ARMC8: variants seen among roughly 807,000 people sequenced by gnomAD.
ARMC8 encodes armadillo repeat-containing protein 8.
In ARMC8, 20 loss-of-function variants were observed where a neutral mutation model predicts 99.3. The observed-to-expected ratio is 0.20, with a 90% CI of 0.14 to 0.29. The LOEUF (loss-of-function observed/expected upper bound fraction) is 0.29, where lower values mean the gene tolerates loss of function less well. Ranked by LOEUF, ARMC8 falls within the 10% of genes least tolerant of loss-of-function variation. The pLI is 1.00. For missense variants in ARMC8, 569 were observed against 809.5 expected, an observed-to-expected ratio of 0.70 and a Z score of 3.60; for synonymous variants, 263 against 278.3, an observed-to-expected ratio of 0.95 and a Z score of 0.55.
Position 138,290,558 on chromosome 3 carries a change from G to A in ARMC8, c.1907G>A (p.Arg636His), listed in dbSNP as rs1369668127. ...TTTAATCGTTTAGGTTCACAAGAAC[G>A]CCAGGATAAATTACGAGACATGGGC... The part of the protein sequence containing the change: ...IWNEEEGSQE[R>H]QDKLRDMGIV... The change falls in exon 21 of 22, where the codon CGC becomes CAC. Residue 636 changes from arginine (R) to histidine (H), a missense_variant. By Grantham distance (29) the Arg-to-His change is conservative (BLOSUM62 0). Around this residue, in one of 2 missense-constraint regions of ARMC8, gnomAD observed 227 missense variants for 417.9 expected, o/e 0.54. Transcript: ENST00000469044. 2.5e-6 allele frequency: 4 copies of A among 1,603,588 alleles called. No individual in the cohort carries two copies. The highest frequency in any genetic ancestry group is 2.6e-6 in the Non-Finnish European group (3 of 1,175,318).
chr3:138,235,370 T>A (rs1259673557), intron 7 of ARMC8, among the ~76,000 whole-genome samples: 1 of 152,210 alleles, frequency 6.6e-6, no homozygotes, highest in Non-Finnish European at 1.5e-5. Flanking sequence ...AAATCTTTTT[T>A]GGATAGCTAC....
intron 5 of ARMC8, 33 bp from the exon 6 acceptor site, chr3:138,228,885 T>A: frequency 7.4e-7 from 1 of 1,345,496 alleles, no homozygotes; most frequent in Non-Finnish European, 1.1e-6. Flanking sequence ...TCATGGTGCC[T>A]GAGTTTCTTG....
At chr3:138,210,645 T>G (rs1016187833) in intron 2 of ARMC8, among the ~76,000 whole-genome samples, 11 of 152,122 alleles carry the variant, frequency 7.2e-5, no homozygotes, top group African/African-American at 2.7e-4. Context: ...AGGGTCAAGA[T>G]ACATTTGGGT....
At chr3:138,257,763 C>T (rs1298180159) in intron 12 of ARMC8, among the ~76,000 whole-genome samples, 2 of 152,188 alleles carry the variant, frequency 1.3e-5, no homozygotes, top group Non-Finnish European at 2.9e-5. Context: ...ACTTGTGTTT[C>T]TTGACACTTA....
chr3:138,242,865 C>G (rs905426858), intron 11 of ARMC8, among the ~76,000 whole-genome samples: 1 of 152,140 alleles, frequency 6.6e-6, no homozygotes, highest in Admixed American at 6.5e-5. Flanking sequence ...TTTACTCTGT[C>G]TTAAGAAGGG....
At chr3:138,293,059 A>G (rs1342164978) in intron 21 of ARMC8, among the ~76,000 whole-genome samples, 1 of 152,130 alleles carries the variant, frequency 6.6e-6, no homozygotes, top group African/African-American at 2.4e-5. Flanking sequence ...TTTGCCAGGG[A>G]TGCCTTTTGT....
intron 12 of ARMC8, chr3:138,262,719 G>C: frequency 1.1e-6 from 1 of 897,714 alleles, no homozygotes; most frequent in Non-Finnish European, 1.6e-6. Flanking sequence ...TCTTCTGCAA[G>C]GACAACCAAG....
chr3:138,275,842 AT>A (rs1376637722), intron 18 of ARMC8, among the ~76,000 whole-genome samples: 4 of 152,160 alleles, frequency 2.6e-5, no homozygotes, highest in African/African-American at 7.2e-5. Context: ...ATCTCTTAAA[AT>A]TTTTTTTAAA....
chr3:138,266,326 G>A (rs548283179), intron 14 of ARMC8, among the ~76,000 whole-genome samples: 1 of 151,986 alleles, frequency 6.6e-6, no homozygotes, highest in Non-Finnish European at 1.5e-5. Flanking sequence ...TCTATGCTTG[G>A]AACACACTTG....
chr3:138,229,764 G>A (rs1285842719), intron 6 of ARMC8, among the ~76,000 whole-genome samples: 3 of 152,130 alleles, frequency 2.0e-5, no homozygotes, highest in Non-Finnish European at 4.4e-5. Context: ...ATAACCATGG[G>A]TGATTACTTG....
intron 1 of ARMC8, among the ~76,000 whole-genome samples, chr3:138,192,639 C>G (rs2043459643): frequency 6.6e-6 from 1 of 152,120 alleles, no homozygotes; most frequent in Non-Finnish European, 1.5e-5. Context: ...CAACCTCTGT[C>G]TCCTGGGCTC....
intron 12 of ARMC8, among the ~76,000 whole-genome samples, chr3:138,252,557 G>A (rs982347350): frequency 2.0e-5 from 3 of 150,970 alleles, no homozygotes; most frequent in South Asian, 2.1e-4. Context: ...GGGTTCAAGC[G>A]ATTCTCCTGC....
At chr3:138,285,121 A>AC (rs2050283214) in intron 19 of ARMC8, among the ~76,000 whole-genome samples, 1 of 152,216 alleles carries the variant, frequency 6.6e-6, no homozygotes, top group Non-Finnish European at 1.5e-5. Context: ...ACAACTGCAG[A>AC]GAAAGGCACA....
At chr3:138,245,960 TGAG>T in intron 12 of ARMC8, 2 of 985,404 alleles carry the variant, frequency 2.0e-6, no homozygotes, top group Non-Finnish European at 2.4e-6. Context: ...TGTTCTGTCT[TGAG>T]GAGCCATAGC....
At chr3:138,281,609 T>A (rs776419069) in intron 18 of ARMC8, among the ~76,000 whole-genome samples, 19 of 152,062 alleles carry the variant, frequency 1.2e-4, no homozygotes, top group Non-Finnish European at 2.1e-4. Context: ...TCTTTAAGAT[T>A]TGATTGCTTG....
In ARMC8 at chr3:138,237,291, G is replaced by T. The variant is rs1401908565; in HGVS notation, c.610-18G>T. The T allele has an allele frequency of 1.2e-6, 2 of 1,606,152 alleles. No homozygotes were observed. Among genetic ancestry groups the T allele is most frequent in the Admixed American group, 1.7e-5 (1 of 57,872 alleles). On this transcript the variant is annotated intron_variant, in intron 7 of 21. Transcript: ENST00000469044. ...GCAGAATTAAACACATTTTTTGTTT[G>T]TTCATTTATTTTTACAGGTTCGAAT...
At position 138,274,444 on chromosome 3, in the gene ARMC8, T is replaced by C. The variant is rs1332889846; in HGVS notation, c.1630-5T>C. On this transcript the variant is annotated splice_polypyrimidine_tract_variant and splice_region_variant and intron_variant, in intron 17 of 21. Coordinates refer to ENST00000469044, the MANE Select transcript of ARMC8 (RefSeq NM_001363941.2). Reference sequence around the variant, plus strand: ...GATAATTATGGATTTCCCATTGTTTTACAGCATATAGATAAAATAATGAGT... The same window carrying C: ...GATAATTATGGATTTCCCATTGTTTCACAGCATATAGATAAAATAATGAGT... 1 of 1,567,302 alleles carries C rather than the reference T, an allele frequency of 6.4e-7. No homozygotes were observed.
chr3:138,246,657 G>A, intron 12 of ARMC8: 2 of 985,638 alleles, frequency 2.0e-6, no homozygotes, highest in Non-Finnish European at 2.4e-6. Flanking sequence ...GGACCACAAT[G>A]GGAAATAGGA....
chr3:138,236,945 A>G (rs1490108184), intron 7 of ARMC8, among the ~76,000 whole-genome samples: 1 of 152,220 alleles, frequency 6.6e-6, no homozygotes, highest in East Asian at 1.9e-4. Flanking sequence ...CAATCCATAC[A>G]TAAAAGTATT....
Sources: allele counts gnomAD v4.1 joint callset (sites outside exome capture counted in the v4.1 genomes callset), GRCh38; gene constraint gnomAD v4.1.1; regional missense constraint gnomAD v4.1.1; transcripts MANE v1.5; gene names NCBI Gene and HGNC (gene_info 2026-07-23, HGNC 2026-07-21).